BCL2: variants seen among roughly 807,000 people sequenced by gnomAD.
BCL2 encodes the protein BCL2 apoptosis regulator, also known as apoptosis regulator Bcl-2.
Under a neutral mutation model 14.2 loss-of-function variants are expected in BCL2, and 1 was observed. The ratio of observed to expected loss-of-function variants is 0.07; its 90% CI spans 0.02 to 0.33. The LOEUF (loss-of-function observed/expected upper bound fraction) is 0.33. Ranked by LOEUF, BCL2 falls within the 10% of genes least tolerant of loss-of-function variation. BCL2 has a pLI of 0.99. For synonymous variants in BCL2, 151 were observed against 137.2 expected (o/e 1.10, Z -0.70); for missense variants, 247 against 305.9 (o/e 0.81, Z 1.44).
chr18:63,202,489 G>A (rs952460443), intron 2 of BCL2, among the ~76,000 whole-genome samples: 1 of 152,136 alleles, frequency 6.6e-6, no homozygotes, highest in Non-Finnish European at 1.5e-5. Flanking sequence ...GCCTGGACAA[G>A]ACGGTTTGTA....
intron 2 of BCL2, among the ~76,000 whole-genome samples, chr18:63,150,273 G>GA (rs35051109): frequency 0.17 from 25,549 of 152,178 alleles, 2,406 homozygotes; most frequent in East Asian, 0.36. Flanking sequence ...GAAAACGAAA[G>GA]AAAGAGAGTG....
intron 2 of BCL2, among the ~76,000 whole-genome samples, chr18:63,229,397 T>C (rs1057482058): frequency 6.6e-6 from 1 of 152,206 alleles, no homozygotes; most frequent in East Asian, 1.9e-4. Context: ...TATTAACTGA[T>C]ATATTTGAGT....
At chr18:63,250,989 C>T (rs1430832451) in intron 2 of BCL2, among the ~76,000 whole-genome samples, 1 of 152,066 alleles carries the variant, frequency 6.6e-6, no homozygotes, top group African/African-American at 2.4e-5. Flanking sequence ...AGAGAAATGG[C>T]TTTCCTCCAC....
chr18:63,126,621 C>G lies in BCL2; in HGVS notation c.*2004G>C. Reference sequence around the variant, plus strand: ...TGCACATGACTTGGTTGAAACAAAGCTCCTCAGTGGCCAGTGACATCCAGG... The same window carrying G: ...TGCACATGACTTGGTTGAAACAAAGGTCCTCAGTGGCCAGTGACATCCAGG... On this transcript the variant is annotated 3_prime_UTR_variant, in exon 3 of 3. Transcript: ENST00000333681. 4.4e-6 allele frequency: 1 copy of G among 228,896 alleles called. No individual in the cohort carries two copies. The highest frequency in any genetic ancestry group is 1.3e-3 in the Middle Eastern group (1 of 764). The allele number at this position is 228,896 out of a possible 1,614,324, so 14.2% of individuals were successfully genotyped here.
intron 2 of BCL2, among the ~76,000 whole-genome samples, chr18:63,179,168 G>A (rs1040083247): frequency 9.2e-5 from 14 of 152,130 alleles, no homozygotes; most frequent in African/African-American, 3.4e-4. Flanking sequence ...CACACACAAA[G>A]ATTCTGCAAT....
intron 2 of BCL2, among the ~76,000 whole-genome samples, chr18:63,269,361 C>G (rs563954716): frequency 6.6e-6 from 1 of 152,194 alleles, no homozygotes; most frequent in Admixed American, 6.5e-5. Flanking sequence ...TGTAGAGATT[C>G]ATGAGACTTT....
intron 2 of BCL2, among the ~76,000 whole-genome samples, chr18:63,249,701 C>A (rs939668651): frequency 2.0e-4 from 21 of 106,032 alleles, no homozygotes; most frequent in African/African-American, 7.8e-4. Context: ...CAGAGTAAGA[C>A]TCCGCCTCAA....
At chr18:63,135,258 CA>C (rs1321858827) in intron 2 of BCL2, among the ~76,000 whole-genome samples, 1 of 152,186 alleles carries the variant, frequency 6.6e-6, no homozygotes, top group Non-Finnish European at 1.5e-5. Context: ...CTGCCTCCCT[CA>C]ACTTGCTTCC....
chr18:63,138,379 C>T (rs1260840656), intron 2 of BCL2, among the ~76,000 whole-genome samples: 1 of 152,238 alleles, frequency 6.6e-6, no homozygotes, highest in Non-Finnish European at 1.5e-5. Context: ...GTCTGCAGAG[C>T]AGTGTGGCTT....
intron 2 of BCL2, chr18:63,316,470 C>G (rs1418343050): frequency 1.3e-5 from 2 of 152,142 alleles, no homozygotes; most frequent in Admixed American, 1.3e-4. Context: ...CCTACTTAAC[C>G]AAATATTTAA....
intron 2 of BCL2, among the ~76,000 whole-genome samples, chr18:63,206,637 G>A (rs1599244253): frequency 6.6e-6 from 1 of 152,196 alleles, no homozygotes; most frequent in Non-Finnish European, 1.5e-5. Context: ...AACAAGCATC[G>A]TTGATGCCTC....
chr18:63,205,679 CT>C (rs1909816981), intron 2 of BCL2, among the ~76,000 whole-genome samples: 2 of 152,206 alleles, frequency 1.3e-5, no homozygotes, highest in South Asian at 4.1e-4. Context: ...CAACATTTGA[CT>C]AGAGGGGGTC....
intron 2 of BCL2, among the ~76,000 whole-genome samples, chr18:63,157,041 C>A (rs1318256430): frequency 6.6e-6 from 1 of 152,198 alleles, no homozygotes; most frequent in Non-Finnish European, 1.5e-5. Context: ...TGGAACTAAA[C>A]AAGAAAGCCT....
intron 2 of BCL2, among the ~76,000 whole-genome samples, chr18:63,159,221 C>T (rs538270015): frequency 2.6e-5 from 4 of 152,154 alleles, no homozygotes; most frequent in Admixed American, 1.3e-4. Flanking sequence ...CATCTACAAA[C>T]GTGCAAACCG....
At chr18:63,265,774 G>A (rs538793035) in intron 2 of BCL2, among the ~76,000 whole-genome samples, 47 of 152,126 alleles carry the variant, frequency 3.1e-4, no homozygotes, top group African/African-American at 1.1e-3. Context: ...AAATCAATAT[G>A]AAAAGAGCCA....
At chr18:63,215,468 G>C (rs1910173745) in intron 2 of BCL2, among the ~76,000 whole-genome samples, 1 of 152,120 alleles carries the variant, frequency 6.6e-6, no homozygotes, top group Non-Finnish European at 1.5e-5. Context: ...ATGAGAAAAA[G>C]AAAGATGCAT....
intron 2 of BCL2, among the ~76,000 whole-genome samples, chr18:63,176,532 T>C (rs1031034833): frequency 6.6e-6 from 1 of 152,238 alleles, no homozygotes; most frequent in Non-Finnish European, 1.5e-5. Flanking sequence ...AATAAGTCAG[T>C]GAATAAAAGA....
At chr18:63,200,560 G>A (rs953651302) in intron 2 of BCL2, among the ~76,000 whole-genome samples, 3 of 152,222 alleles carry the variant, frequency 2.0e-5, no homozygotes, top group African/African-American at 7.2e-5. Context: ...GTATAAGACA[G>A]TCAAGAGCCA....
intron 2 of BCL2, among the ~76,000 whole-genome samples, chr18:63,181,532 T>G (rs1303444411): frequency 6.6e-6 from 1 of 152,192 alleles, no homozygotes. Flanking sequence ...CTGTGTTTCT[T>G]TTTAGCTCTC....
Sources: gnomAD v4.1 joint callset for allele counts (sites outside exome capture counted in the v4.1 genomes callset) on GRCh38, gnomAD v4.1.1 for gene constraint, MANE v1.5 for transcripts, NCBI Gene and HGNC (gene_info 2026-07-23, HGNC 2026-07-21) for gene names.